The following TXK variants were observed in gnomAD, a reference collection of about 807,000 sequenced individuals.
The protein encoded by TXK is tyrosine-protein kinase TXK.
A neutral mutation model predicts 81.0 loss-of-function variants in TXK; 60 were observed. That is an observed-to-expected ratio of 0.74 (90% CI 0.60 to 0.92). The LOEUF (loss-of-function observed/expected upper bound fraction) is 0.92, where lower values mean the gene tolerates loss of function less well. Ranked by LOEUF, TXK falls within the 40% of genes least tolerant of loss-of-function variation. The pLI, the probability that TXK is intolerant of heterozygous loss-of-function variation, is 0.00. For synonymous variants in TXK, 203 were observed against 210.7 expected (o/e 0.96, Z 0.32); for missense variants, 581 against 638.3 (o/e 0.91, Z 0.97).
chr4:48,097,114 A>G (rs1718010589), intron 6 of TXK, among the ~76,000 whole-genome samples: 1 of 152,174 alleles, frequency 6.6e-6, no homozygotes, highest in Non-Finnish European at 1.5e-5. Flanking sequence ...TAAAGTAAGA[A>G]TATAATATGA....
At chr4:48,085,498 C>A (rs1717486949) in intron 10 of TXK, among the ~76,000 whole-genome samples, 1 of 152,104 alleles carries the variant, frequency 6.6e-6, no homozygotes, top group African/African-American at 2.4e-5. Flanking sequence ...CAGGGAAATA[C>A]TAGGTAGAAG....
intron 7 of TXK, among the ~76,000 whole-genome samples, chr4:48,094,924 C>CCCTCTTTACTT (rs1405340903): frequency 6.6e-6 from 1 of 152,162 alleles, no homozygotes; most frequent in African/African-American, 2.4e-5. Context: ...ACTAATCTCC[C>CCCTCTTTACTT]CCTCTTTACT....
chr4:48,103,973 C>T (rs898185393), intron 6 of TXK, among the ~76,000 whole-genome samples: 5 of 151,194 alleles, frequency 3.3e-5, no homozygotes, highest in Non-Finnish European at 7.4e-5. Flanking sequence ...GAGGCCAAGC[C>T]GGGCTGATCA....
intron 10 of TXK, among the ~76,000 whole-genome samples, chr4:48,082,967 A>C (rs1337325047): frequency 6.6e-6 from 1 of 152,136 alleles, no homozygotes; most frequent in Non-Finnish European, 1.5e-5. Flanking sequence ...ATAAAATCCC[A>C]CATGCATCCT....
chr4:48,094,009 T>C, intron 8 of TXK, 68 bp downstream of exon 8: 1 of 1,597,624 alleles, frequency 6.3e-7, no homozygotes, highest in Non-Finnish European at 8.6e-7. Context: ...GAGTGCCTGA[T>C]ACCAAAGATG....
intron 1 of TXK, among the ~76,000 whole-genome samples, chr4:48,115,617 C>A (rs1167682545): frequency 2.0e-5 from 3 of 152,070 alleles, no homozygotes; most frequent in African/African-American, 7.2e-5. Flanking sequence ...GAGGCCGAAG[C>A]AGGCAGATCG....
intron 5 of TXK, chr4:48,105,975 A>G (rs1560356040): frequency 6.6e-6 from 1 of 152,232 alleles, no homozygotes; most frequent in Non-Finnish European, 1.5e-5. Context: ...ATATGGTAAT[A>G]CCTAGTCAGT....
intron 14 of TXK, 33 bp from the exon 15 acceptor site, chr4:48,067,738 C>T (rs1716667497): frequency 1.3e-6 from 2 of 1,594,884 alleles, no homozygotes; most frequent in East Asian, 4.5e-5. Flanking sequence ...GTTAGCTCAG[C>T]TTAACCAACT....
intron 10 of TXK, among the ~76,000 whole-genome samples, chr4:48,080,784 C>T (rs889965954): frequency 2.0e-5 from 3 of 150,846 alleles, no homozygotes; most frequent in African/African-American, 2.4e-5. Flanking sequence ...GTTTTGTGTG[C>T]GTGTGTGTGT....
chr4:48,100,695 T>C (rs1248949397), intron 6 of TXK, among the ~76,000 whole-genome samples: 3 of 152,232 alleles, frequency 2.0e-5, no homozygotes, highest in Non-Finnish European at 4.4e-5. Flanking sequence ...TGAGGATTTA[T>C]CCTACAAACC....
chr4:48,115,759 G>A (rs1238544862), intron 1 of TXK, among the ~76,000 whole-genome samples: 2 of 152,094 alleles, frequency 1.3e-5, no homozygotes, highest in African/African-American at 2.4e-5. Context: ...GGAGGCTGAG[G>A]TGGGAGGATC....
intron 5 of TXK, among the ~76,000 whole-genome samples, chr4:48,110,197 T>A (rs1425464947): frequency 1.3e-5 from 2 of 152,212 alleles, no homozygotes; most frequent in African/African-American, 4.8e-5. Context: ...AATATAGTAC[T>A]TTATCTATAT....
At chr4:48,128,394 T>C (rs1314244375) in intron 1 of TXK, among the ~76,000 whole-genome samples, 1 of 151,978 alleles carries the variant, frequency 6.6e-6, no homozygotes, top group Non-Finnish European at 1.5e-5. Context: ...TGGGCTGTGG[T>C]GAGTGGGGAA....
intron 6 of TXK, among the ~76,000 whole-genome samples, chr4:48,100,782 T>C (rs887828222): frequency 1.3e-5 from 2 of 152,232 alleles, no homozygotes; most frequent in Admixed American, 6.5e-5. Context: ...TGTATACTAT[T>C]TAATTTTCAT....
At chr4:48,117,661 A>G (rs753820398) in intron 1 of TXK, among the ~76,000 whole-genome samples, 15 of 152,244 alleles carry the variant, frequency 9.9e-5, no homozygotes, top group Non-Finnish European at 2.1e-4. Flanking sequence ...GCATTATTAG[A>G]TGAAATGGTG....
rs369754627 is a variant in TXK at position 48,067,883 on chromosome 4, C to G, written c.1516-178G>C. ...AATTGCCACCTGCGGCATAAATAGG[C>G]TAAGGATCACTCAGAGACCAGCTCT... On this transcript the variant is annotated intron_variant, in intron 14 of 14. Transcript: ENST00000264316. Among the ~76,000 whole-genome samples, 17 of 152,282 alleles carry G rather than the reference C, an allele frequency of 1.1e-4. 1 individual carries two copies. The South Asian group carries it at 1.4e-3, about 13-fold the overall frequency.
chr4:48,088,537 G>A (rs575422613), intron 9 of TXK, among the ~76,000 whole-genome samples: 1 of 152,278 alleles, frequency 6.6e-6, no homozygotes, highest in South Asian at 2.1e-4. Flanking sequence ...ACTCACAGAT[G>A]TAATGAGGTG....
intron 1 of TXK, among the ~76,000 whole-genome samples, chr4:48,133,170 C>T (rs1719290023): frequency 6.6e-6 from 1 of 151,744 alleles, no homozygotes; most frequent in Admixed American, 6.6e-5. Context: ...AAGAAACAAA[C>T]ACATTGCAAT....
intron 9 of TXK, 21 bp downstream of exon 9, chr4:48,089,729 C>A: frequency 6.2e-7 from 1 of 1,603,324 alleles, no homozygotes; most frequent in South Asian, 1.1e-5. Flanking sequence ...TATTTTACTT[C>A]AGCATGTGTG....
Sources: gnomAD v4.1 joint callset for allele counts (sites outside exome capture counted in the v4.1 genomes callset) on GRCh38, gnomAD v4.1.1 for gene constraint, MANE v1.5 for transcripts, NCBI Gene and HGNC (gene_info 2026-07-23, HGNC 2026-07-21) for gene names.